The following CLDN10 variants were observed in gnomAD, a reference collection of about 807,000 sequenced individuals.
CLDN10 encodes the protein claudin-10.
A neutral mutation model predicts 22.9 loss-of-function variants in CLDN10; 15 were observed. The ratio of observed to expected loss-of-function variants is 0.65; its 90% CI spans 0.44 to 1.01. CLDN10 has a LOEUF of 1.01. CLDN10 is among the 50% of genes least tolerant of loss of function. The probability of loss-of-function intolerance (pLI) is 0.00; values close to 1 mark genes in which losing one functional copy is unlikely to be tolerated. For missense variants in CLDN10, 247 were observed against 287.8 expected (o/e 0.86, Z 1.03); for synonymous variants, 114 against 111.4 (o/e 1.02, Z -0.15).
intron 1 of CLDN10, among the ~76,000 whole-genome samples, chr13:95,498,251 A>G (rs1303879106): frequency 6.6e-6 from 1 of 152,170 alleles, no homozygotes; most frequent in Non-Finnish European, 1.5e-5. Context: ...GGGATCCACA[A>G]CGCCAAACTC....
intron 1 of CLDN10, among the ~76,000 whole-genome samples, chr13:95,520,604 C>A (rs535702691): frequency 6.6e-6 from 1 of 152,142 alleles, no homozygotes; most frequent in African/African-American, 2.4e-5. Flanking sequence ...AACTCCTGAC[C>A]TCCGGTGATC....
At chr13:95,524,029 C>T (rs1205549197) in intron 1 of CLDN10, among the ~76,000 whole-genome samples, 1 of 150,908 alleles carries the variant, frequency 6.6e-6, no homozygotes, top group African/African-American at 2.4e-5. Context: ...TGTCCTCTGG[C>T]TTTCACTATT....
intron 1 of CLDN10, among the ~76,000 whole-genome samples, chr13:95,471,838 C>T (rs1208275402): frequency 6.6e-6 from 1 of 151,988 alleles, no homozygotes; most frequent in Admixed American, 6.6e-5. Context: ...ACTGCAGCCT[C>T]AGCCTCTGGG....
At chr13:95,521,793 T>G (rs773108802) in intron 1 of CLDN10, among the ~76,000 whole-genome samples, 4 of 152,084 alleles carry the variant, frequency 2.6e-5, no homozygotes, top group Non-Finnish European at 4.4e-5. Context: ...GAGGTTTTGT[T>G]TTTTGTTTTT....
chr13:95,507,991 G>C (rs1025230126), intron 1 of CLDN10, among the ~76,000 whole-genome samples: 1 of 152,100 alleles, frequency 6.6e-6, no homozygotes, highest in Non-Finnish European at 1.5e-5. Context: ...GGGAGGCTGA[G>C]GTGAAAGGAT....
chr13:95,540,418 T>A (rs1040335604), intron 1 of CLDN10, among the ~76,000 whole-genome samples: 3 of 151,720 alleles, frequency 2.0e-5, no homozygotes, highest in Non-Finnish European at 2.9e-5. Flanking sequence ...CGCTTGAGCC[T>A]GGGAGGTGGA....
At chr13:95,513,216 C>A (rs754177444) in intron 1 of CLDN10, among the ~76,000 whole-genome samples, 4 of 152,140 alleles carry the variant, frequency 2.6e-5, no homozygotes, top group Non-Finnish European at 4.4e-5. Context: ...TGGAACTTTC[C>A]TACCATTGTA....
chr13:95,434,515 G>GTGTGTATATATATATGCACACA (rs1566643281), intron 1 of CLDN10, among the ~76,000 whole-genome samples: 9 of 121,084 alleles, frequency 7.4e-5, no homozygotes, highest in African/African-American at 3.9e-4. Flanking sequence ...ATCTATATGT[G>GTGTGTATATATATATGCACACA]TGTGTGTATA....
At chr13:95,531,336 T>C (rs1221738293) in intron 1 of CLDN10, among the ~76,000 whole-genome samples, 4 of 152,190 alleles carry the variant, frequency 2.6e-5, no homozygotes, top group Admixed American at 2.6e-4. Context: ...AAGATTCCAA[T>C]GCATTTGATT....
chr13:95,452,561 C>A (rs536463424), intron 1 of CLDN10, among the ~76,000 whole-genome samples: 3 of 152,160 alleles, frequency 2.0e-5, no homozygotes, highest in African/African-American at 7.2e-5. Context: ...AGCTCCTCAG[C>A]TGCTGGATTC....
chr13:95,514,263 A>G (rs1055088618), intron 1 of CLDN10, among the ~76,000 whole-genome samples: 3 of 152,144 alleles, frequency 2.0e-5, no homozygotes, highest in African/African-American at 7.2e-5. Context: ...TGTCTCAGAA[A>G]AGAAAAAAGG....
chr13:95,517,383 G>A (rs1283821010), intron 1 of CLDN10, among the ~76,000 whole-genome samples: 1 of 152,122 alleles, frequency 6.6e-6, no homozygotes, highest in Non-Finnish European at 1.5e-5. Context: ...CTAGGGATCC[G>A]GTGGTGGGAG....
chr13:95,449,924 T>A, intron 1 of CLDN10, among the ~76,000 whole-genome samples: 1 of 151,994 alleles, frequency 6.6e-6, no homozygotes, highest in Non-Finnish European at 1.5e-5. Flanking sequence ...TTTGTATTTT[T>A]AGTAGAGACG....
At chr13:95,511,837 T>G (rs2138562404) in intron 1 of CLDN10, among the ~76,000 whole-genome samples, 1 of 140,738 alleles carries the variant, frequency 7.1e-6, no homozygotes, top group African/African-American at 2.5e-5. Context: ...TTTCTGACTT[T>G]TTTTCTCTTT....
chr13:95,467,042 T>A (rs1246675772), intron 1 of CLDN10, among the ~76,000 whole-genome samples: 1 of 151,422 alleles, frequency 6.6e-6, no homozygotes, highest in African/African-American at 2.4e-5. Context: ...ATGCCCGTTT[T>A]TTTTTTTTGT....
upstream of CLDN10, among the ~76,000 whole-genome samples, chr13:95,550,668 T>C (rs558195361): frequency 6.6e-6 from 1 of 152,022 alleles, no homozygotes; most frequent in East Asian, 1.9e-4. Flanking sequence ...ATAGAAATAA[T>C]AGTGGAAATA....
chr13:95,555,888 G>T (rs1279935777), intron 1 of CLDN10, among the ~76,000 whole-genome samples: 1 of 152,084 alleles, frequency 6.6e-6, no homozygotes, highest in Non-Finnish European at 1.5e-5. Flanking sequence ...AAGTGGCCAT[G>T]GTGGCCTGAG....
intron 1 of CLDN10, among the ~76,000 whole-genome samples, chr13:95,447,742 C>CGTGTGTGTGTGT (rs5805934): frequency 1.4e-5 from 2 of 147,544 alleles, no homozygotes; most frequent in African/African-American, 5.0e-5. Context: ...AGTGCACATG[C>CGTGTGTGTGTGT]GTGTGTGTGT....
chr13:95,545,654 T>C (rs2043500771), intron 1 of CLDN10, among the ~76,000 whole-genome samples: 1 of 152,196 alleles, frequency 6.6e-6, no homozygotes, highest in South Asian at 2.1e-4. Context: ...AATAAAAATA[T>C]ATACCTTAGT....
Sources: gnomAD v4.1 joint callset for allele counts (sites outside exome capture counted in the v4.1 genomes callset) on GRCh38, gnomAD v4.1.1 for gene constraint, MANE v1.5 for transcripts, NCBI Gene and HGNC (gene_info 2026-07-23, HGNC 2026-07-21) for gene names.